CACNA1B: variants seen among roughly 807,000 people sequenced by gnomAD.
The protein encoded by CACNA1B is voltage-dependent N-type calcium channel subunit alpha-1B.
A neutral mutation model predicts 247.2 loss-of-function variants in CACNA1B; 70 were observed. The ratio of observed to expected loss-of-function variants is 0.28; its 90% CI spans 0.23 to 0.35. The LOEUF (loss-of-function observed/expected upper bound fraction) is 0.35. Among genes scored for constraint, CACNA1B ranks in the 10% least tolerant of loss-of-function variants. The probability of loss-of-function intolerance (pLI) is 1.00; values close to 1 mark genes in which losing one functional copy is unlikely to be tolerated. For synonymous variants in CACNA1B, 1,231 were observed against 1,294.4 expected (o/e 0.95, Z 1.05); for missense variants, 2,367 against 3,197.4 (o/e 0.74, Z 6.26).
intron 20 of CACNA1B, among the ~76,000 whole-genome samples, chr9:138,035,128 A>C (rs756760857): frequency 6.6e-6 from 1 of 152,248 alleles, no homozygotes; most frequent in Non-Finnish European, 1.5e-5. Flanking sequence ...TCGTCTCATC[A>C]TGTAGGCATT....
intron 8 of CACNA1B, among the ~76,000 whole-genome samples, chr9:137,956,529 G>T (rs1183930848): frequency 6.6e-6 from 1 of 152,048 alleles, no homozygotes; most frequent in Non-Finnish European, 1.5e-5. Context: ...ATGGTAGCAC[G>T]TCCCTGTAAT....
intron 36 of CACNA1B, among the ~76,000 whole-genome samples, chr9:138,087,713 C>CAAAAAAAAAAAAAAA (rs57138546): frequency 1.1e-4 from 4 of 35,458 alleles, no homozygotes; most frequent in East Asian, 1.5e-3. Flanking sequence ...GACTCCGTCT[C>CAAAAAAAAAAAAAAA]AAAAAAAAAA....
intron 44 of CACNA1B, among the ~76,000 whole-genome samples, chr9:138,119,057 C>T (rs1029983852): frequency 1.3e-5 from 2 of 152,096 alleles, no homozygotes; most frequent in Non-Finnish European, 2.9e-5. Flanking sequence ...GGCCATGGGG[C>T]ATAGGGGCCC....
intron 31 of CACNA1B, among the ~76,000 whole-genome samples, chr9:138,062,322 A>T (rs945590127): frequency 6.6e-6 from 1 of 152,116 alleles, no homozygotes; most frequent in African/African-American, 2.4e-5. Flanking sequence ...CAACCCATCC[A>T]CAAATCAGGT....
At chr9:137,980,260 C>T (rs781304246) in intron 12 of CACNA1B, among the ~76,000 whole-genome samples, 27 of 152,064 alleles carry the variant, frequency 1.8e-4, no homozygotes, top group Non-Finnish European at 3.4e-4. Context: ...AAGCTCTACC[C>T]ACACCTATTA....
chr9:138,014,023 C>T lies in CACNA1B; in HGVS notation c.2267+788C>T, dbSNP rs1958759302. Among the ~76,000 whole-genome samples, 1 of 152,266 alleles carries T rather than the reference C, an allele frequency of 6.6e-6. No homozygotes were observed. Among genetic ancestry groups the T allele is most frequent in the Admixed American group, 6.5e-5 (1 of 15,288 alleles). ...ATTCCCCATGCTGATGGGCGGGCCCCAGCTCTTCAGCCGGCCACCCGCCCT... is the reference window on the plus strand; with the variant it reads ...ATTCCCCATGCTGATGGGCGGGCCCTAGCTCTTCAGCCGGCCACCCGCCCT... On this transcript the variant is annotated intron_variant, in intron 18 of 46. Transcript: ENST00000371372. The surrounding 1 kb of genome is among the most constrained non-coding windows in gnomAD (Gnocchi z 6.2).
chr9:138,049,657 A>T lies in CACNA1B; in HGVS notation c.3710+342A>T, dbSNP rs1047546439. On this transcript the variant is annotated intron_variant, in intron 24 of 46. Coordinates refer to ENST00000371372, the MANE Select transcript of CACNA1B (RefSeq NM_000718.4). Reference sequence around the variant, plus strand: ...GGGCGGCACAGCCTCTGGTGTGTCCAGCGTTTGCCTCCCAGGGTCCTTGGA... The same window carrying T: ...GGGCGGCACAGCCTCTGGTGTGTCCTGCGTTTGCCTCCCAGGGTCCTTGGA... Among the ~76,000 whole-genome samples, 4 of 152,164 alleles carry T rather than the reference A, an allele frequency of 2.6e-5. No individual in the cohort carries two copies. The East Asian group carries it at 7.7e-4, about 29-fold the overall frequency.
intron 3 of CACNA1B, among the ~76,000 whole-genome samples, chr9:137,906,318 G>C (rs1396339378): frequency 6.6e-6 from 1 of 152,166 alleles, no homozygotes; most frequent in Non-Finnish European, 1.5e-5. Context: ...GAGCGTCCTG[G>C]TGCCTGGGAG....
Position 138,052,580 on chromosome 9 carries a change from C to G in CACNA1B, c.3807+392C>G, listed in dbSNP as rs918299246. On this transcript the variant is annotated intron_variant, in intron 25 of 46. Transcript: ENST00000371372. This position sits in a 1 kb window ranked among gnomAD's most constrained non-coding sequence, Gnocchi z 5.1. ...TCTGGATAAAGACAGAGAATAAACTCAAACTCATAGGGCCACGCTGAAACC... is the reference window on the plus strand; with the variant it reads ...TCTGGATAAAGACAGAGAATAAACTGAAACTCATAGGGCCACGCTGAAACC... Among the ~76,000 whole-genome samples, 1 of 152,186 alleles carries G rather than the reference C, an allele frequency of 6.6e-6. No homozygotes were observed. Among genetic ancestry groups the G allele is most frequent in the African/African-American group, 2.4e-5 (1 of 41,434 alleles).
At position 137,882,630 on chromosome 9, in the gene CACNA1B, C is replaced by T; in HGVS notation, c.391-114C>T. 1 of 1,223,644 alleles carries T rather than the reference C, an allele frequency of 8.2e-7. No individual in the cohort carries two copies. Among genetic ancestry groups the T allele is most frequent in the Non-Finnish European group, 1.2e-6 (1 of 856,838 alleles). The allele number at this position is 1,223,644 out of a possible 1,614,324, so 75.8% of individuals were successfully genotyped here. A position where few individuals can be genotyped will look rare whatever the true frequency, so the allele number is the denominator to read the frequency against. On this transcript the variant is annotated intron_variant, in intron 2 of 46. Transcript: ENST00000371372. This position sits in a 1 kb window ranked among gnomAD's most constrained non-coding sequence, Gnocchi z 4.0. ...TGGGGGCAAGGTGAGGAGGGTCAGA[C>T]CCTCACGATAGCTGTGGCCTGCACA...
At chr9:138,090,655 A>G (rs1285649626) in intron 36 of CACNA1B, among the ~76,000 whole-genome samples, 3 of 145,418 alleles carry the variant, frequency 2.1e-5, no homozygotes, top group Non-Finnish European at 4.5e-5. Context: ...TTTATCTGAC[A>G]AGCTATTAAT....
intron 6 of CACNA1B, among the ~76,000 whole-genome samples, chr9:137,931,823 G>C (rs530743802): frequency 6.6e-6 from 1 of 152,240 alleles, no homozygotes; most frequent in South Asian, 2.1e-4. Context: ...ATTTGTTTAA[G>C]AGATTTAATG....
chr9:138,034,655 A>G (rs1332767589), intron 20 of CACNA1B, among the ~76,000 whole-genome samples: 2 of 152,106 alleles, frequency 1.3e-5, no homozygotes, highest in African/African-American at 2.4e-5. Flanking sequence ...TATATGAGGC[A>G]TAAAAGAAAA....
chr9:137,879,207 C>T, intron 2 of CACNA1B, 48 bp downstream of exon 2: 10 of 1,197,872 alleles, frequency 8.3e-6, no homozygotes, highest in South Asian at 1.3e-5. Flanking sequence ...GAGGCCGCGA[C>T]TCCACTTTCC....
At chr9:137,926,366 C>T (rs1265298121) in intron 6 of CACNA1B, among the ~76,000 whole-genome samples, 1 of 152,198 alleles carries the variant, frequency 6.6e-6, no homozygotes, top group Non-Finnish European at 1.5e-5. Context: ...CTGCGCCCAG[C>T]CACCTCCTTC....
At position 138,073,870 on chromosome 9, in the gene CACNA1B, C is replaced by T. The variant is rs1960219002; in HGVS notation, c.4792-131C>T. ...ACTGGGGCATCACTTGGTGGAGGGGCTTGGTGGCCAGTGGGATGGAGCTTG... is the reference window on the plus strand; with the variant it reads ...ACTGGGGCATCACTTGGTGGAGGGGTTTGGTGGCCAGTGGGATGGAGCTTG... On this transcript the variant is annotated intron_variant, in intron 33 of 46. Transcript: ENST00000371372. The surrounding 1 kb of genome is among the most constrained non-coding windows in gnomAD (Gnocchi z 6.4). 1 of 732,222 alleles carries T rather than the reference C, an allele frequency of 1.4e-6. No homozygotes were observed. Among genetic ancestry groups the T allele is most frequent in the East Asian group, 2.5e-5 (1 of 40,280 alleles). The allele number at this position is 732,222 out of a possible 1,614,324, so 45.4% of individuals were successfully genotyped here. A position where few individuals can be genotyped will look rare whatever the true frequency, so the allele number is the denominator to read the frequency against.
intron 15 of CACNA1B, among the ~76,000 whole-genome samples, chr9:138,000,936 T>C (rs1237149000): frequency 6.6e-6 from 1 of 152,236 alleles, no homozygotes; most frequent in Non-Finnish European, 1.5e-5. Flanking sequence ...CCTTGGTCAG[T>C]CTTGCTATAC....
At chr9:138,064,424 A>G (rs906896283) in intron 31 of CACNA1B, among the ~76,000 whole-genome samples, 6 of 152,160 alleles carry the variant, frequency 3.9e-5, no homozygotes, top group African/African-American at 1.4e-4. Context: ...ACTGGTTGAG[A>G]GACTCGGGAG....
chr9:137,918,006 A>G (rs913405997), intron 6 of CACNA1B, among the ~76,000 whole-genome samples: 2 of 152,232 alleles, frequency 1.3e-5, no homozygotes, highest in East Asian at 1.9e-4. Context: ...ACCGCGGAGC[A>G]GGGCCGAGGC....
Sources: allele counts gnomAD v4.1 joint callset (sites outside exome capture counted in the v4.1 genomes callset), GRCh38; gene constraint gnomAD v4.1.1; non-coding constraint Gnocchi (gnomAD v3.1); transcripts MANE v1.5; gene names NCBI Gene and HGNC (gene_info 2026-07-23, HGNC 2026-07-21).